NXPE2: variants seen among roughly 807,000 people sequenced by gnomAD.
NXPE2 encodes the protein neurexophilin and PC-esterase domain family member 2.
A neutral mutation model predicts 34.4 loss-of-function variants in NXPE2; 34 were observed. That is an observed-to-expected ratio of 0.99 (90% CI 0.75 to 1.31). NXPE2 has a LOEUF of 1.31. Among genes scored for constraint, NXPE2 ranks in the 40% most tolerant of loss-of-function variants. NXPE2 has a pLI of 0.00. For synonymous variants in NXPE2, 235 were observed against 231.3 expected (o/e 1.02, Z -0.15); for missense variants, 649 against 672.5 (o/e 0.97, Z 0.39).
intron 2 of NXPE2, among the ~76,000 whole-genome samples, chr11:114,689,874 TG>T (rs1360097337): frequency 6.6e-6 from 1 of 152,188 alleles, no homozygotes; most frequent in East Asian, 1.9e-4. Flanking sequence ...TTAAATTTTT[TG>T]GTTTAAAGTC....
At chr11:114,695,743 T>A (rs1712836) in intron 2 of NXPE2, among the ~76,000 whole-genome samples, 114,710 of 151,744 alleles carry the variant, frequency 0.76, 43,921 homozygotes, top group East Asian at 0.84. Context: ...CTGTAATCCC[T>A]GCACTTTGGG....
At chr11:114,798,631 C>T in the NXPE2 span, among the ~76,000 whole-genome samples, 1 of 152,224 alleles carries the variant, frequency 6.6e-6, no homozygotes, top group Non-Finnish European at 1.5e-5. Flanking sequence ...ATCCTCCCGC[C>T]TTGGCCTCCC....
At chr11:114,552,458 C>A in the NXPE2 span, among the ~76,000 whole-genome samples, 3 of 152,080 alleles carry the variant, frequency 2.0e-5, no homozygotes, top group East Asian at 5.8e-4. Context: ...TGGTGCCTGA[C>A]AAGCACAATA....
Position 114,706,832 on chromosome 11 carries a change from G to T in NXPE2, c.1582G>T (p.Ala528Ser), listed in dbSNP as rs1191928111. 1 of 1,551,982 alleles carries T rather than the reference G, an allele frequency of 6.4e-7. No individual in the cohort carries two copies. The highest frequency in any genetic ancestry group is 8.7e-7 in the Non-Finnish European group (1 of 1,146,840). The change falls in exon 6 of 6, where the codon GCC becomes TCC. Residue 528 changes from alanine to serine, a missense_variant. Physicochemically the swap from Ala to Ser is moderately conservative, Grantham distance 99. Transcript: ENST00000389586. Reference sequence around the variant, plus strand: ...GGATCTTAATGTGGGTATTATTGATGCCTGGGACATGACGATTGCATATTG... The same window carrying T: ...GGATCTTAATGTGGGTATTATTGATTCCTGGGACATGACGATTGCATATTG... Reference protein sequence around the residue: ...FVDLNVGIIDAWDMTIAYCTN... With the variant: ...FVDLNVGIIDSWDMTIAYCTN...
At chr11:114,812,458 C>G in the NXPE2 span, among the ~76,000 whole-genome samples, 1 of 152,128 alleles carries the variant, frequency 6.6e-6, no homozygotes, top group African/African-American at 2.4e-5. Flanking sequence ...TAGAAATGTT[C>G]CAGCAATGAT....
At chr11:114,764,599 A>G in the NXPE2 span, among the ~76,000 whole-genome samples, 10 of 152,184 alleles carry the variant, frequency 6.6e-5, no homozygotes, top group Non-Finnish European at 1.0e-4. Context: ...GAAAGTTTTC[A>G]GAACACATGT....
intron 2 of NXPE2, among the ~76,000 whole-genome samples, chr11:114,696,522 C>G (rs1219742210): frequency 1.3e-5 from 2 of 151,726 alleles, no homozygotes; most frequent in African/African-American, 4.9e-5. Flanking sequence ...ATTTCAGAAC[C>G]AGGAAAATTA....
the NXPE2 span, among the ~76,000 whole-genome samples, chr11:114,598,838 T>C: frequency 6.6e-6 from 1 of 151,346 alleles, no homozygotes; most frequent in African/African-American, 2.4e-5. Flanking sequence ...CTTTGAGGCC[T>C]TCTCCCCATT....
chr11:114,712,585 A>G, the NXPE2 span, among the ~76,000 whole-genome samples: 1 of 152,228 alleles, frequency 6.6e-6, no homozygotes, highest in Admixed American at 6.5e-5. Flanking sequence ...CACATCCATC[A>G]GGATGGCCGC....
At chr11:114,810,426 C>T in the NXPE2 span, among the ~76,000 whole-genome samples, 56,979 of 78,162 alleles carry the variant, frequency 0.73, 21,873 homozygotes, top group Non-Finnish European at 0.83. Context: ...GGGAGAAAAT[C>T]TTTGCAACCT....
intron 3 of NXPE2, among the ~76,000 whole-genome samples, chr11:114,700,489 T>C (rs908277773): frequency 1.3e-5 from 2 of 151,868 alleles, no homozygotes; most frequent in African/African-American, 2.4e-5. Context: ...CTAGGAACCA[T>C]GGTGGAGGTG....
chr11:114,754,411 G>C, the NXPE2 span, among the ~76,000 whole-genome samples: 1 of 152,166 alleles, frequency 6.6e-6, no homozygotes, highest in African/African-American at 2.4e-5. Context: ...ATGGGTACCA[G>C]AAGCACCAGG....
the NXPE2 span, among the ~76,000 whole-genome samples, chr11:114,769,579 AG>A: frequency 6.6e-6 from 1 of 152,214 alleles, no homozygotes; most frequent in Non-Finnish European, 1.5e-5. Context: ...CATCAATGAT[AG>A]ACTGGATAAA....
At chr11:114,791,255 A>G in the NXPE2 span, among the ~76,000 whole-genome samples, 1 of 152,146 alleles carries the variant, frequency 6.6e-6, no homozygotes, top group South Asian at 2.1e-4. Flanking sequence ...GTGTTCTTAC[A>G]GACTCTTTAA....
the NXPE2 span, among the ~76,000 whole-genome samples, chr11:114,624,973 T>A: frequency 2.6e-5 from 4 of 151,840 alleles, no homozygotes; most frequent in South Asian, 8.3e-4. Context: ...ACCTTGTGGA[T>A]AGTAAGTGTT....
Position 114,698,044 on chromosome 11 carries a change from G to T in NXPE2, c.133-1G>T. 4 of 1,483,904 alleles carry T rather than the reference G, an allele frequency of 2.7e-6. No homozygotes were observed. In the South Asian group the frequency reaches 5.6e-5, roughly 21 times the overall value. The allele number at this position is 1,483,904 out of a possible 1,614,324, so 91.9% of individuals were successfully genotyped here. On this transcript the variant is annotated splice_acceptor_variant, in intron 2 of 5. Coordinates refer to ENST00000389586, the MANE Select transcript of NXPE2 (RefSeq NM_182495.6). LOFTEE classifies it high-confidence loss of function. ...TTTTCTTTTCCCTTTCAATATTTCAGTTCTCGTTCAACTTGGAAAACCATA... is the reference window on the plus strand; with the variant it reads ...TTTTCTTTTCCCTTTCAATATTTCATTTCTCGTTCAACTTGGAAAACCATA...
rs369685110 is a variant in NXPE2 at position 114,704,042 on chromosome 11, A to C, written c.918A>C (p.Ile306=). ...AGAACTTTACCCCCATTGAGGTCAT[A>C]CCATGCAACAGTAAGTCTGGAGTGT... ...MMKNFTPIEV[I]PCNKSENIKK... is the part of the protein sequence containing the mutation. Residue 306 remains isoleucine, a synonymous_variant, in exon 4 of 6, where the codon ATA becomes ATC. Coordinates refer to ENST00000389586, the MANE Select transcript of NXPE2 (RefSeq NM_182495.6). 26 of 1,550,866 alleles carry C rather than the reference A, an allele frequency of 1.7e-5. No homozygotes were observed. In the African/African-American group the frequency reaches 3.0e-4, roughly 18 times the overall value.
the NXPE2 span, chr11:114,580,391 G>C: frequency 6.6e-7 from 1 of 1,515,738 alleles, no homozygotes; most frequent in Non-Finnish European, 9.1e-7. Context: ...TTACCCGTCA[G>C]TATGTATTAA....
the NXPE2 span, among the ~76,000 whole-genome samples, chr11:114,587,355 G>A: frequency 6.6e-6 from 1 of 152,284 alleles, no homozygotes; most frequent in South Asian, 2.1e-4. Context: ...CAGAGCCACT[G>A]CCTAAGAATA....
Sources: gnomAD v4.1 joint callset for allele counts (sites outside exome capture counted in the v4.1 genomes callset) on GRCh38, gnomAD v4.1.1 for gene constraint, MANE v1.5 for transcripts, NCBI Gene and HGNC (gene_info 2026-07-23, HGNC 2026-07-21) for gene names.